SERPINB5: variants seen among roughly 807,000 people sequenced by gnomAD.
The protein encoded by SERPINB5 is serpin B5.
Under a neutral mutation model 32.2 loss-of-function variants are expected in SERPINB5, and 27 were observed. The ratio of observed to expected loss-of-function variants is 0.84; its 90% CI spans 0.62 to 1.16. The LOEUF (loss-of-function observed/expected upper bound fraction) is 1.16, where lower values mean the gene tolerates loss of function less well. SERPINB5 is among the 50% of genes most tolerant of loss of function. The pLI is 0.00. For missense variants in SERPINB5, 388 were observed against 436.3 expected (o/e 0.89, Z 0.99); for synonymous variants, 154 against 157.4 (o/e 0.98, Z 0.16).
chr18:63,502,019 C>T (rs1408826940), intron 6 of SERPINB5, among the ~76,000 whole-genome samples: 1 of 151,972 alleles, frequency 6.6e-6, no homozygotes, highest in East Asian at 1.9e-4. Context: ...ATGGTAGTTT[C>T]TTTTGCTGTG....
intron 6 of SERPINB5, among the ~76,000 whole-genome samples, chr18:63,502,526 A>T (rs1018090544): frequency 1.8e-5 from 2 of 110,448 alleles, no homozygotes; most frequent in African/African-American, 6.6e-5. Context: ...AATTCCCATT[A>T]AAAAAAAAAA....
intron 4 of SERPINB5, among the ~76,000 whole-genome samples, chr18:63,491,467 G>A (rs1599390565): frequency 7.1e-6 from 1 of 141,236 alleles, no homozygotes; most frequent in South Asian, 2.2e-4. Flanking sequence ...TGCTGTGAAT[G>A]CCATTCTTTC....
intron 4 of SERPINB5, 73 bp downstream of exon 4, chr18:63,489,537 C>A: frequency 2.4e-6 from 2 of 819,906 alleles, no homozygotes; most frequent in Admixed American, 2.5e-5. Flanking sequence ...ATGTTTGCTC[C>A]AAGGATAAAA....
chr18:63,499,932 G>A (rs1909536995), intron 6 of SERPINB5, among the ~76,000 whole-genome samples: 1 of 152,038 alleles, frequency 6.6e-6, no homozygotes, highest in South Asian at 2.1e-4. Context: ...AGTTTCACCT[G>A]TTATTAGCAT....
intron 1 of SERPINB5, 77 bp from the exon 2 acceptor site, chr18:63,484,345 A>G (rs1004103309): frequency 6.1e-6 from 8 of 1,300,988 alleles, no homozygotes; most frequent in Non-Finnish European, 7.4e-6. Context: ...TAGAATTCTT[A>G]TAGTGTTGGC....
At chr18:63,488,030 CTG>C (rs1917241928) in intron 3 of SERPINB5, among the ~76,000 whole-genome samples, 1 of 151,316 alleles carries the variant, frequency 6.6e-6, no homozygotes, top group African/African-American at 2.4e-5. Flanking sequence ...AAAAAAAAAA[CTG>C]AGATGTGAGT....
In SERPINB5 at chr18:63,489,336, A is replaced by G; in HGVS notation, c.307-11A>G. 6.9e-7 allele frequency: 1 copy of G among 1,455,700 alleles called. No individual in the cohort carries two copies. The highest frequency in any genetic ancestry group is 1.2e-5 in the South Asian group (1 of 85,200). The allele number at this position is 1,455,700 out of a possible 1,614,324, so 90.2% of individuals were successfully genotyped here. A position where few individuals can be genotyped will look rare whatever the true frequency, so the allele number is the denominator to read the frequency against. On this transcript the variant is annotated splice_polypyrimidine_tract_variant and intron_variant, in intron 3 of 6. Coordinates refer to ENST00000382771, the MANE Select transcript of SERPINB5 (RefSeq NM_002639.5). ...TACAGACTCTGATTTTATGAACTGC[A>G]TGTTTTTCAGGAGTTCATCAGCTCT...
Position 63,498,861 on chromosome 18 carries a change from GTATA to G in SERPINB5, c.568-254_568-251del, listed in dbSNP as rs976351884. On this transcript the variant is annotated intron_variant, in intron 5 of 6. Transcript: ENST00000382771. This position sits in a 1 kb window ranked among gnomAD's most constrained non-coding sequence, Gnocchi z 4.2. ...ATATATAGTATGTATATATAAGTGT[GTATA>G]TATAGGTGTGTGTATATGTATATGT... 3.5e-4 allele frequency among the ~76,000 whole-genome samples: 52 copies of G among 150,130 alleles called. No homozygotes were observed. The highest frequency in any genetic ancestry group is 1.3e-4 in the Admixed American group (2 of 15,018).
chr18:63,497,479 C>A, intron 5 of SERPINB5: 2 of 498,646 alleles, frequency 4.0e-6, no homozygotes, highest in South Asian at 2.2e-5. Flanking sequence ...CTAAGCTTTA[C>A]CATTGAACAC....
intron 5 of SERPINB5, chr18:63,497,370 G>A (rs1356060906): frequency 8.7e-6 from 11 of 1,268,318 alleles, no homozygotes; most frequent in African/African-American, 1.5e-5. Flanking sequence ...TCTGTTTGAT[G>A]GTCGCCTTCC....
intron 1 of SERPINB5, among the ~76,000 whole-genome samples, chr18:63,480,280 A>G (rs978049603): frequency 2.6e-5 from 4 of 152,224 alleles, no homozygotes; most frequent in Non-Finnish European, 4.4e-5. Context: ...ACTTCCATCT[A>G]TCTCACTTTC....
intron 5 of SERPINB5, among the ~76,000 whole-genome samples, chr18:63,494,426 G>A (rs1177081209): frequency 6.6e-6 from 1 of 151,202 alleles, no homozygotes; most frequent in East Asian, 1.9e-4. Flanking sequence ...GGAAAACCCA[G>A]ACATCTATAT....
chr18:63,499,604 G>A (rs1339217039), intron 6 of SERPINB5, among the ~76,000 whole-genome samples: 4 of 152,194 alleles, frequency 2.6e-5, no homozygotes, highest in Non-Finnish European at 5.9e-5. Flanking sequence ...AGGGAGCTGA[G>A]GCACAGAGGG....
intron 4 of SERPINB5, among the ~76,000 whole-genome samples, chr18:63,492,668 C>A (rs1030416156): frequency 6.6e-6 from 1 of 152,170 alleles, no homozygotes; most frequent in Admixed American, 6.5e-5. Context: ...TTGTATACTG[C>A]CTGACACAGA....
At chr18:63,497,786 C>G (rs1909482411) in intron 5 of SERPINB5, among the ~76,000 whole-genome samples, 1 of 152,124 alleles carries the variant, frequency 6.6e-6, no homozygotes, top group Admixed American at 6.6e-5. Flanking sequence ...CTCCACTGTC[C>G]TGTTCCTCTT....
At chr18:63,483,533 T>C (rs1184949341) in intron 1 of SERPINB5, among the ~76,000 whole-genome samples, 3 of 152,250 alleles carry the variant, frequency 2.0e-5, no homozygotes, top group Admixed American at 1.3e-4. Flanking sequence ...ACCCACAGGC[T>C]TGGAGGCCAG....
At chr18:63,495,018 T>C (rs1235934316) in intron 5 of SERPINB5, among the ~76,000 whole-genome samples, 1 of 152,150 alleles carries the variant, frequency 6.6e-6, no homozygotes, top group Non-Finnish European at 1.5e-5. Context: ...GCAAGACCCA[T>C]TGGGCATTTT....
In SERPINB5 at chr18:63,486,962, A is replaced by G. The variant is rs752203809; in HGVS notation, c.185A>G (p.Asn62Ser). 1.2e-5 allele frequency: 20 copies of G among 1,613,670 alleles called. No homozygotes were observed. The East Asian group carries it at 4.5e-4, about 36-fold the overall frequency. Residue 62 changes from asparagine (N) to serine (S), a missense_variant, in exon 3 of 7, where the codon AAT becomes AGT. Coordinates refer to ENST00000382771, the MANE Select transcript of SERPINB5 (RefSeq NM_002639.5). ...NEIGQVLHFE[N>S]VKDVPFGFQT... is the part of the protein sequence containing the mutation. Reference sequence around the variant, plus strand: ...TCTTAACAGGTTCTTCATTTTGAAAATGTCAAAGATGTACCCTTTGGATTT... The same window carrying G: ...TCTTAACAGGTTCTTCATTTTGAAAGTGTCAAAGATGTACCCTTTGGATTT...
rs150696400 is a variant in SERPINB5, at chr18:63,504,887, G to A, written c.*1165G>A. On this transcript the variant is annotated 3_prime_UTR_variant, in exon 7 of 7. Transcript: ENST00000382771. Reference sequence around the variant, plus strand: ...ATGTAACTTATATTAATAGTAATTTGTAAAGTTGGTTGGATAAGCTATCCG... The same window carrying A: ...ATGTAACTTATATTAATAGTAATTTATAAAGTTGGTTGGATAAGCTATCCG... 1.4e-3 allele frequency: 215 copies of A among 152,258 alleles called. 1 individual carries two copies. Among genetic ancestry groups the A allele is most frequent in the African/African-American group, 5.1e-3 (212 of 41,550 alleles). 9.4% of individuals were successfully genotyped at this position (152,258 alleles called of 1,614,324 possible).
Sources: gnomAD v4.1 joint callset for allele counts (sites outside exome capture counted in the v4.1 genomes callset) on GRCh38, gnomAD v4.1.1 for gene constraint, Gnocchi (gnomAD v3.1) non-coding constraint, MANE v1.5 for transcripts, NCBI Gene and HGNC (gene_info 2026-07-23, HGNC 2026-07-21) for gene names.